The following TMEM117 variants were observed in gnomAD, a reference collection of about 807,000 sequenced individuals.
The protein encoded by TMEM117 is transmembrane protein 117.
TMEM117 carries 27 observed loss-of-function variants against 52.4 expected under a neutral mutation model. The observed-to-expected ratio is 0.51, with a 90% CI of 0.38 to 0.71. The LOEUF (loss-of-function observed/expected upper bound fraction) is 0.71. Ranked by LOEUF, TMEM117 falls within the 30% of genes least tolerant of loss-of-function variation. The pLI is 0.00. For missense variants in TMEM117, 556 were observed against 630.5 expected (o/e 0.88, Z 1.26); for synonymous variants, 215 against 206.3 (o/e 1.04, Z -0.36).
intron 6 of TMEM117, among the ~76,000 whole-genome samples, chr12:44,353,147 GT>G (rs1296712155): frequency 6.6e-6 from 1 of 151,996 alleles, no homozygotes; most frequent in Non-Finnish European, 1.5e-5. Context: ...GGGGTTGTCT[GT>G]TTTTTTCTTG....
rs566926226 is a variant in TMEM117 at position 44,371,778 on chromosome 12, C to T, written c.769-4817C>T. 5.3e-5 allele frequency among the ~76,000 whole-genome samples: 8 copies of T among 152,230 alleles called. No homozygotes were observed. In the East Asian group the frequency reaches 9.7e-4, roughly 18 times the overall value. On this transcript the variant is annotated intron_variant, in intron 6 of 7. Coordinates refer to ENST00000266534, the MANE Select transcript of TMEM117 (RefSeq NM_032256.3). ...ATTATGAATCCAAGATATCCTGAGA[C>T]GATCTTGCCTACATATTTAACAGTG...
At chr12:44,210,861 T>C (rs975978112) in intron 4 of TMEM117, among the ~76,000 whole-genome samples, 3 of 152,072 alleles carry the variant, frequency 2.0e-5, no homozygotes, top group Admixed American at 2.0e-4. Flanking sequence ...ACCACACATA[T>C]AGCTGGAAGA....
intron 2 of TMEM117, among the ~76,000 whole-genome samples, chr12:43,845,187 G>A (rs938115352): frequency 6.6e-6 from 1 of 152,122 alleles, no homozygotes; most frequent in African/African-American, 2.4e-5. Flanking sequence ...TAGGCCAGGT[G>A]TGGTGGCTCA....
intron 2 of TMEM117, among the ~76,000 whole-genome samples, chr12:43,907,529 C>G (rs1401053583): frequency 6.6e-6 from 1 of 150,508 alleles, no homozygotes; most frequent in Non-Finnish European, 1.5e-5. Flanking sequence ...AAGAAGGCTT[C>G]AGACGATCAA....
At chr12:43,930,992 G>GAAT (rs1413356462) in intron 2 of TMEM117, among the ~76,000 whole-genome samples, 1 of 152,136 alleles carries the variant, frequency 6.6e-6, no homozygotes, top group Non-Finnish European at 1.5e-5. Flanking sequence ...GAGCACAGAG[G>GAAT]AATAACCCTA....
intron 6 of TMEM117, among the ~76,000 whole-genome samples, chr12:44,311,911 GTGTATATATATATATATATTTT>G (rs1950995335): frequency 7.1e-6 from 1 of 140,588 alleles, no homozygotes; most frequent in African/African-American, 2.7e-5. Flanking sequence ...ATATATATGT[GTGTATATATATATATATATTTT>G]TCCTCCCATT....
intron 4 of TMEM117, among the ~76,000 whole-genome samples, chr12:44,144,382 A>G (rs1948612819): frequency 6.6e-6 from 1 of 152,230 alleles, no homozygotes; most frequent in African/African-American, 2.4e-5. Flanking sequence ...CTTCATTAAT[A>G]CCGTTCATAA....
chr12:43,873,583 C>T lies in TMEM117; in HGVS notation c.277+28655C>T, dbSNP rs577440565. 1.3e-5 allele frequency among the ~76,000 whole-genome samples: 2 copies of T among 152,074 alleles called. 1 individual carries two copies. Among genetic ancestry groups the T allele is most frequent in the South Asian group, 4.1e-4 (2 of 4,822 alleles). ...TGAGGCTTATGCTGAGGCAGGAAAACATTCGTTAATTTTATGTCATTAAAA... is the reference window on the plus strand; with the variant it reads ...TGAGGCTTATGCTGAGGCAGGAAAATATTCGTTAATTTTATGTCATTAAAA... On this transcript the variant is annotated intron_variant, in intron 2 of 7. Coordinates refer to ENST00000266534, the MANE Select transcript of TMEM117 (RefSeq NM_032256.3).
intron 3 of TMEM117, among the ~76,000 whole-genome samples, chr12:44,132,202 T>G (rs73288072): frequency 0.019 from 2,814 of 151,466 alleles, 75 homozygotes; most frequent in African/African-American, 0.064. Context: ...TTTTTTTTTT[T>G]TTAGATGAAA....
intron 3 of TMEM117, among the ~76,000 whole-genome samples, chr12:43,988,137 T>C (rs1410046149): frequency 6.6e-6 from 1 of 152,142 alleles, no homozygotes; most frequent in Non-Finnish European, 1.5e-5. Flanking sequence ...AATATTGTAA[T>C]AGAAAGGTTT....
At chr12:43,809,374 GAAC>G in the TMEM117 span, among the ~76,000 whole-genome samples, 2 of 152,150 alleles carry the variant, frequency 1.3e-5, no homozygotes, top group East Asian at 3.8e-4. Flanking sequence ...GTATGACCAT[GAAC>G]AACATTATTT....
In TMEM117 at chr12:44,133,786, A is replaced by G. The variant is rs578086007; in HGVS notation, c.411-9739A>G. Among the ~76,000 whole-genome samples the G allele has an allele frequency of 3.9e-5, 6 of 152,192 alleles. No individual in the cohort carries two copies. The East Asian group carries it at 1.2e-3, about 29-fold the overall frequency. On this transcript the variant is annotated intron_variant, in intron 3 of 7. Transcript: ENST00000266534. ...AGGTATGGCCAAGCACAAATGGGGA[A>G]AGTGCTTCATAATCCTTTCTCTGAT...
chr12:44,369,778 A>G (rs11182478), intron 6 of TMEM117, among the ~76,000 whole-genome samples: 2,110 of 152,298 alleles, frequency 0.014, 19 homozygotes, highest in Middle Eastern at 0.027. Flanking sequence ...CTTGAACCAG[A>G]AAGTCTAGAT....
chr12:44,017,852 G>A (rs1946396299), intron 3 of TMEM117, among the ~76,000 whole-genome samples: 2 of 152,080 alleles, frequency 1.3e-5, no homozygotes, highest in African/African-American at 2.4e-5. Flanking sequence ...GCAAATGATA[G>A]CAGAAAAAAC....
chr12:44,193,117 A>T (rs1414407423), intron 4 of TMEM117, among the ~76,000 whole-genome samples: 1 of 152,150 alleles, frequency 6.6e-6, no homozygotes, highest in Non-Finnish European at 1.5e-5. Flanking sequence ...GGACTTTAAG[A>T]ATATCTTTCT....
chr12:43,909,744 A>G (rs1944461794), intron 2 of TMEM117, among the ~76,000 whole-genome samples: 1 of 150,262 alleles, frequency 6.7e-6, no homozygotes, highest in African/African-American at 2.4e-5. Flanking sequence ...GAAAATCTAG[A>G]AGAAATGGAT....
rs1944985414 is a variant in TMEM117, at chr12:43,938,246, A to T, written c.278-5964A>T. Among the ~76,000 whole-genome samples, 7 of 147,584 alleles carry T rather than the reference A, an allele frequency of 4.7e-5. No individual in the cohort carries two copies. The Admixed American group carries it at 4.8e-4, about 10-fold the overall frequency. On this transcript the variant is annotated intron_variant, in intron 2 of 7. Coordinates refer to ENST00000266534, the MANE Select transcript of TMEM117 (RefSeq NM_032256.3). ...CAACAAGGCTATATTATATATTATT[A>T]TATATTATATATTATATTATATATT...
intron 3 of TMEM117, among the ~76,000 whole-genome samples, chr12:44,106,845 T>G (rs1294863041): frequency 6.6e-6 from 1 of 152,024 alleles, no homozygotes; most frequent in Non-Finnish European, 1.5e-5. Context: ...CTTTCTTATT[T>G]TTGAGCTTAG....
rs1592597947 is a variant in TMEM117, at chr12:44,196,729, A to G, written c.511-14561A>G. ...TAAATTTCTAAGTTTTCTATTATGA[A>G]TATCACTGAAACACTCATTCCATAA... On this transcript the variant is annotated intron_variant, in intron 4 of 7. Coordinates refer to ENST00000266534, the MANE Select transcript of TMEM117 (RefSeq NM_032256.3). 3.3e-5 allele frequency among the ~76,000 whole-genome samples: 5 copies of G among 152,328 alleles called. No homozygotes were observed. The South Asian group carries it at 8.3e-4, about 25-fold the overall frequency.
Sources: gnomAD v4.1 joint callset for allele counts (sites outside exome capture counted in the v4.1 genomes callset) on GRCh38, gnomAD v4.1.1 for gene constraint, MANE v1.5 for transcripts, NCBI Gene and HGNC (gene_info 2026-07-23, HGNC 2026-07-21) for gene names.